Variants in RFX1 observed in about 807,000 individuals in gnomAD.
RFX1 encodes the protein regulatory factor X1.
Under a neutral mutation model 119.6 loss-of-function variants are expected in RFX1, and 42 were observed. The ratio of observed to expected loss-of-function variants is 0.35; its 90% confidence interval spans 0.27 to 0.45. RFX1 has a LOEUF of 0.45. RFX1 is among the 20% of genes least tolerant of loss of function. The probability of loss-of-function intolerance (pLI) is 1.00; values close to 1 mark genes in which losing one functional copy is unlikely to be tolerated. For synonymous variants in RFX1, 628 were observed against 618.5 expected, an observed-to-expected ratio of 1.02 and a Z score of -0.23; for missense variants, 1,118 against 1,368.1, an observed-to-expected ratio of 0.82 and a Z score of 2.88.
intron 1 of RFX1, among the ~76,000 whole-genome samples, chr19:13,997,915 C>T (rs767420203): frequency 4.3e-4 from 66 of 152,082 alleles, no homozygotes; most frequent in Non-Finnish European, 8.2e-4. Flanking sequence ...AAGGCGAAGA[C>T]CATCCTCCTC....
intron 18 of RFX1, 87 bp downstream of exon 18, chr19:13,963,451 C>G (rs1386872813): frequency 2.8e-6 from 4 of 1,446,658 alleles, no homozygotes; most frequent in Admixed American, 4.0e-5. Flanking sequence ...CCTGCAGGCT[C>G]GGGTCGTCGT....
chr19:13,993,389 C>A, intron 2 of RFX1, 136 bp downstream of exon 2: 1 of 772,930 alleles, frequency 1.3e-6, no homozygotes, highest in Non-Finnish European at 2.0e-6. Context: ...GGCTTAAGCA[C>A]CCCTGCCCTA....
At chr19:13,979,604 C>T (rs2145582275) in intron 6 of RFX1, 62 bp from the exon 7 acceptor site, 2 of 1,216,480 alleles carry the variant, frequency 1.6e-6, no homozygotes, top group East Asian at 2.5e-5. Flanking sequence ...CCTACCCAGC[C>T]CCTGCACAGG....
At chr19:13,999,676 TG>T (rs1199260480) in intron 1 of RFX1, among the ~76,000 whole-genome samples, 1 of 150,380 alleles carries the variant, frequency 6.6e-6, no homozygotes, top group African/African-American at 2.5e-5. Flanking sequence ...GTTTTTTTTT[TG>T]TTTTTTTTTG....
Position 13,961,572 on chromosome 19 carries a change from A to G in RFX1, c.*1123T>C, listed in dbSNP as rs1399460265. ...GGAATTTATTGTTTTAAGAAAGACTACAAAAAGGTAGAAAACAGCTCGGCA... is the reference window on the plus strand; with the variant it reads ...GGAATTTATTGTTTTAAGAAAGACTGCAAAAAGGTAGAAAACAGCTCGGCA... On this transcript the variant is annotated 3_prime_UTR_variant, in exon 21 of 21. Transcript: ENST00000254325. 1 of 158,268 alleles carries G rather than the reference A, an allele frequency of 6.3e-6. No homozygotes were observed. The allele number at this position is 158,268 out of a possible 1,614,324, so 9.8% of individuals were successfully genotyped here.
intron 16 of RFX1, among the ~76,000 whole-genome samples, chr19:13,964,977 G>C (rs73517657): frequency 0.027 from 4,067 of 152,234 alleles, 183 homozygotes; most frequent in African/African-American, 0.093. Flanking sequence ...TGTGCCCAGC[G>C]GTGGTTTTTT....
chr19:13,966,902 G>T lies in RFX1; in HGVS notation c.1733-151C>A, dbSNP rs1176463581. 6.3e-5 allele frequency: 36 copies of T among 570,568 alleles called. No individual in the cohort carries two copies. Among genetic ancestry groups the T allele is most frequent in the Non-Finnish European group, 1.0e-4 (33 of 324,338 alleles). The allele number at this position is 570,568 out of a possible 1,614,324, so 35.3% of individuals were successfully genotyped here. A position where few individuals can be genotyped will look rare whatever the true frequency, so the allele number is the denominator to read the frequency against. ...GGGTGAGCGCCTGGCCCGGGCCCAGGACGGGCCCAGGAGTGAGGGCCCACA... is the reference window on the plus strand; with the variant it reads ...GGGTGAGCGCCTGGCCCGGGCCCAGTACGGGCCCAGGAGTGAGGGCCCACA... On this transcript the variant is annotated intron_variant, in intron 12 of 20. Transcript: ENST00000254325. This position sits in a 1 kb window ranked among gnomAD's most constrained non-coding sequence, Gnocchi z 6.3.
intron 1 of RFX1, among the ~76,000 whole-genome samples, chr19:13,999,997 G>T (rs1975162138): frequency 6.6e-6 from 1 of 152,104 alleles, no homozygotes; most frequent in East Asian, 1.9e-4. Context: ...TTGGATGCCA[G>T]ATTCTCTAAT....
chr19:13,973,438 C>A (rs1033739502), intron 8 of RFX1, among the ~76,000 whole-genome samples: 2 of 152,052 alleles, frequency 1.3e-5, no homozygotes, highest in African/African-American at 4.8e-5. Context: ...ATAGTGAAAA[C>A]CCATCTCTAC....
In RFX1 at chr19:13,965,357, G is replaced by T; in HGVS notation, c.2211+92C>A. 2 of 1,113,772 alleles carry T rather than the reference G, an allele frequency of 1.8e-6. No homozygotes were observed. The highest frequency in any genetic ancestry group is 2.7e-6 in the Non-Finnish European group (2 of 745,164). The allele number at this position is 1,113,772 out of a possible 1,614,324, so 69.0% of individuals were successfully genotyped here. ...TCCACAGGCATCATCCCTGGAACAG[G>T]CGTGGGGACAAATTTTACCGCCCCT... On this transcript the variant is annotated intron_variant, in intron 16 of 20. Coordinates refer to ENST00000254325, the MANE Select transcript of RFX1 (RefSeq NM_002918.5). This position sits in a 1 kb window ranked among gnomAD's most constrained non-coding sequence, Gnocchi z 4.7.
At chr19:13,994,513 C>T (rs946074269) in intron 1 of RFX1, among the ~76,000 whole-genome samples, 1 of 151,946 alleles carries the variant, frequency 6.6e-6, no homozygotes, top group African/African-American at 2.4e-5. Context: ...GTCAGGAGTT[C>T]GAGACCAGCC....
rs148125825 is a variant in RFX1 at position 13,986,032 on chromosome 19, G to A, written c.320-2437C>T. Among the ~76,000 whole-genome samples, 3 of 152,288 alleles carry A rather than the reference G, an allele frequency of 2.0e-5. No individual in the cohort carries two copies. Among genetic ancestry groups the A allele is most frequent in the African/African-American group, 7.2e-5 (3 of 41,554 alleles). Reference sequence around the variant, plus strand: ...CTGTGTTTTGCTGGAATCTTCCCTGGCATCTGCTTTAGGCTTCCCAGCCCT... The same window carrying A: ...CTGTGTTTTGCTGGAATCTTCCCTGACATCTGCTTTAGGCTTCCCAGCCCT... On this transcript the variant is annotated intron_variant, in intron 2 of 20. Coordinates refer to ENST00000254325, the MANE Select transcript of RFX1 (RefSeq NM_002918.5). The surrounding 1 kb of genome is among the most constrained non-coding windows in gnomAD (Gnocchi z 4.2).
intron 2 of RFX1, among the ~76,000 whole-genome samples, chr19:13,991,309 T>A (rs571278889): frequency 6.6e-6 from 1 of 152,230 alleles, no homozygotes; most frequent in East Asian, 1.9e-4. Context: ...GAGAATGGGT[T>A]TCTTGGAGCA....
At position 13,968,970 on chromosome 19, in the gene RFX1, C is replaced by A. The variant is rs1477529654; in HGVS notation, c.1497-76G>T. On this transcript the variant is annotated intron_variant, in intron 10 of 20. Transcript: ENST00000254325. This position sits in a 1 kb window ranked among gnomAD's most constrained non-coding sequence, Gnocchi z 5.5. ...CGGCCATGGAGCACCTCACAGCACA[C>A]CCGTCTCCTCTCTGTTAGGAGAATG... 3.4e-6 allele frequency: 5 copies of A among 1,468,968 alleles called. No individual in the cohort carries two copies. The highest frequency in any genetic ancestry group is 4.0e-5 in the Admixed American group (2 of 49,476). 91.0% of individuals were successfully genotyped at this position (1,468,968 alleles called of 1,614,324 possible).
At chr19:13,977,917 G>T in intron 8 of RFX1, 75 bp downstream of exon 8, 1 of 1,152,148 alleles carries the variant, frequency 8.7e-7, no homozygotes, top group South Asian at 1.4e-5. Flanking sequence ...TGGGACTGGG[G>T]ACTGGTGTCC....
chr19:13,962,583 C>A lies in RFX1; in HGVS notation c.*112G>T, dbSNP rs1973728188. The stretch of plus-strand genomic sequence containing the variant: ...GCCCCGGTCTTCCCTGTCTCGGAGT[C>A]CCCCTCCCTGCCCTGGCTGAGGCTG... On this transcript the variant is annotated 3_prime_UTR_variant, in exon 21 of 21. Coordinates refer to ENST00000254325, the MANE Select transcript of RFX1 (RefSeq NM_002918.5). 10 of 893,142 alleles carry A rather than the reference C, an allele frequency of 1.1e-5. No homozygotes were observed. In the South Asian group the frequency reaches 1.6e-4, roughly 14 times the overall value. The allele number at this position is 893,142 out of a possible 1,614,324, so 55.3% of individuals were successfully genotyped here.
In RFX1 at chr19:13,970,138, C is replaced by G; in HGVS notation, c.1352G>C (p.Gly451Ala). Reference protein sequence around the residue: ...WLLDNYETAEGVSLPRSTLYC... With the variant: ...WLLDNYETAEAVSLPRSTLYC... Reference sequence around the variant, plus strand: ...GAGGGTGCTCCGTGGCAGACTCACGCCCTCAGCCGTCTCATAGTTGTCCAG... The same window carrying G: ...GAGGGTGCTCCGTGGCAGACTCACGGCCTCAGCCGTCTCATAGTTGTCCAG... The change falls in exon 10 of 21, where the codon GGC becomes GCC. Residue 451 changes from glycine (G) to alanine (A), a missense_variant. Gly to Ala is a moderately conservative substitution (Grantham distance 60). Transcript: ENST00000254325. The G allele has an allele frequency of 6.2e-7, 1 of 1,613,212 alleles. No homozygotes were observed. The highest frequency in any genetic ancestry group is 8.5e-7 in the Non-Finnish European group (1 of 1,179,560).
rs1316647971 is a variant in RFX1 at position 13,966,095 on chromosome 19, C to G, written c.1962-318G>C. ...GTCCCCAGGTAAGTACCCCCTGCCT[C>G]CCAAAGATCCCCAGGGTCTGGTTGG... On this transcript the variant is annotated intron_variant, in intron 14 of 20. Transcript: ENST00000254325. The surrounding 1 kb of genome is among the most constrained non-coding windows in gnomAD (Gnocchi z 6.3). Among the ~76,000 whole-genome samples, 3 of 152,252 alleles carry G rather than the reference C, an allele frequency of 2.0e-5. No individual in the cohort carries two copies. The highest frequency in any genetic ancestry group is 7.2e-5 in the African/African-American group (3 of 41,552).
intron 8 of RFX1, among the ~76,000 whole-genome samples, chr19:13,974,864 AG>A (rs911324847): frequency 1.7e-5 from 2 of 119,700 alleles, no homozygotes; most frequent in Non-Finnish European, 3.6e-5. Context: ...TGGCCAACAT[AG>A]TGAAACCGTC....
Sources: gnomAD v4.1 joint callset for allele counts (sites outside exome capture counted in the v4.1 genomes callset) on GRCh38, gnomAD v4.1.1 for gene constraint, Gnocchi (gnomAD v3.1) non-coding constraint, MANE v1.5 for transcripts, NCBI Gene and HGNC (gene_info 2026-07-23, HGNC 2026-07-21) for gene names.